ARID1B: variants seen among roughly 807,000 people sequenced by gnomAD.
ARID1B encodes the protein AT-rich interaction domain 1B, also known as AT-rich interactive domain-containing protein 1B.
In ARID1B, 30 loss-of-function variants were observed where a neutral mutation model predicts 212.3. The observed-to-expected ratio is 0.14, with a 90% CI of 0.11 to 0.19. The LOEUF (loss-of-function observed/expected upper bound fraction) is 0.19. Among genes scored for constraint, ARID1B ranks in the 10% least tolerant of loss-of-function variants. The pLI is 1.00. For missense variants in ARID1B, 2,891 were observed against 3,204.0 expected, an observed-to-expected ratio of 0.90 and a Z score of 2.36; for synonymous variants, 1,402 against 1,301.7, an observed-to-expected ratio of 1.08 and a Z score of -1.66.
intron 4 of ARID1B, among the ~76,000 whole-genome samples, chr6:157,035,915 A>C (rs1241288126): frequency 6.6e-6 from 1 of 152,210 alleles, no homozygotes; most frequent in African/African-American, 2.4e-5. Context: ...CAAGGGAAGA[A>C]TACAATTTTG....
At chr6:157,064,141 C>T (rs1783528900) in intron 4 of ARID1B, among the ~76,000 whole-genome samples, 2 of 152,248 alleles carry the variant, frequency 1.3e-5, no homozygotes, top group South Asian at 2.1e-4. Context: ...ATTCCCTACC[C>T]TGTTGTCATC....
intron 4 of ARID1B, among the ~76,000 whole-genome samples, chr6:157,048,251 A>G (rs1782367773): frequency 6.6e-6 from 1 of 152,216 alleles, no homozygotes; most frequent in Non-Finnish European, 1.5e-5. Flanking sequence ...AGAATATATC[A>G]GGGATGATTT....
chr6:156,824,176 C>CT, intron 1 of ARID1B, among the ~76,000 whole-genome samples: 1 of 152,166 alleles, frequency 6.6e-6, no homozygotes, highest in Non-Finnish European at 1.5e-5. Context: ...GGAGGAAAGT[C>CT]TTATCAAGTA....
intron 1 of ARID1B, among the ~76,000 whole-genome samples, chr6:156,822,091 G>A (rs529022377): frequency 1.6e-4 from 25 of 151,748 alleles, no homozygotes; most frequent in African/African-American, 5.8e-4. Flanking sequence ...TGATCTGCCC[G>A]CCTCAGCCTC....
Position 156,778,787 on chromosome 6 carries a change from C to G in ARID1B, c.1107C>G (p.Ser369=), listed in dbSNP as rs1448795315. The G allele has an allele frequency of 6.6e-7, 1 of 1,508,302 alleles. No homozygotes were observed. Among genetic ancestry groups the G allele is most frequent in the Non-Finnish European group, 8.9e-7 (1 of 1,126,098 alleles). 93.4% of individuals were successfully genotyped at this position (1,508,302 alleles called of 1,614,324 possible). Residue 369 remains serine (S), a synonymous_variant, in exon 1 of 20, where the codon TCC becomes TCG. Coordinates refer to ENST00000636930, the MANE Select transcript of ARID1B (RefSeq NM_001374828.1). ...APGSMDPLQN[S]HEGYPNSQCN... is the part of the protein sequence containing the mutation. ...GCAGCATGGACCCCCTGCAGAACTC[C>G]CACGAAGGGTACCCCAACAGCCAGT...
chr6:157,156,912 C>T (rs142543472), intron 8 of ARID1B, among the ~76,000 whole-genome samples: 4,291 of 152,340 alleles, frequency 0.028, 80 homozygotes, highest in Non-Finnish European at 0.043. Flanking sequence ...ACTGGGAGCA[C>T]TCTGGCATCA....
chr6:156,908,574 C>T lies in ARID1B; in HGVS notation c.2136+7049C>T, dbSNP rs184157854. Reference sequence around the variant, plus strand: ...TGTTTATTTTGCTGTTCTTCCCCCCCGCCCCCACTCAAGTGAATGCTTACT... The same window carrying T: ...TGTTTATTTTGCTGTTCTTCCCCCCTGCCCCCACTCAAGTGAATGCTTACT... On this transcript the variant is annotated intron_variant, in intron 3 of 19. Coordinates refer to ENST00000636930, the MANE Select transcript of ARID1B (RefSeq NM_001374828.1). Among the ~76,000 whole-genome samples the T allele has an allele frequency of 5.3e-5, 8 of 152,044 alleles. No individual in the cohort carries two copies. In the East Asian group the frequency reaches 1.2e-3, roughly 22 times the overall value.
At chr6:157,085,037 C>A (rs912599989) in intron 5 of ARID1B, 132 bp downstream of exon 5, 2 of 1,173,238 alleles carry the variant, frequency 1.7e-6, no homozygotes, top group East Asian at 2.6e-5. Context: ...TGAATTCTCA[C>A]CAAGGCATAC....
At chr6:156,776,535 T>TAACC (rs2114941732), upstream of ARID1B, 1 of 152,356 alleles carries the variant, frequency 6.6e-6, no homozygotes, top group African/African-American at 2.4e-5. Context: ...AGATACGAGC[T>TAACC]AACCCATAGC....
chr6:157,189,243 C>T (rs867161783), intron 13 of ARID1B, among the ~76,000 whole-genome samples: 8 of 152,282 alleles, frequency 5.3e-5, no homozygotes, highest in Middle Eastern at 3.4e-3. Context: ...AAATTTTCAT[C>T]CCATTTATAA....
rs1215965074 is a variant in ARID1B at position 157,203,926 on chromosome 6, C to T, written c.5324C>T (p.Thr1775Met). 2 of 1,614,062 alleles carry T rather than the reference C, an allele frequency of 1.2e-6. No individual in the cohort carries two copies. Among genetic ancestry groups the T allele is most frequent in the South Asian group, 1.1e-5 (1 of 91,082 alleles). ...SLKSGLLAES[T>M]WALDTINILL... ...AAATCAGGTCTTTTGGCTGAGAGTACGTGGGCTTTGGACACTATTAATATT... is the reference window on the plus strand; with the variant it reads ...AAATCAGGTCTTTTGGCTGAGAGTATGTGGGCTTTGGACACTATTAATATT... Residue 1775 changes from threonine (T) to methionine (M), a missense_variant, in exon 19 of 20, where the codon ACG becomes ATG. Coordinates refer to ENST00000636930, the MANE Select transcript of ARID1B (RefSeq NM_001374828.1). This position sits in a 1 kb window ranked among gnomAD's most constrained non-coding sequence, Gnocchi z 4.4.
At chr6:156,857,993 T>A (rs909563946) in intron 2 of ARID1B, among the ~76,000 whole-genome samples, 2 of 152,134 alleles carry the variant, frequency 1.3e-5, no homozygotes, top group Non-Finnish European at 2.9e-5. Context: ...ATCAGTGGGA[T>A]GAATGGATAA....
In ARID1B at chr6:157,039,618, CTTCCTTCCTTCCTTCCTTCCTTCCTTCT is replaced by C. The variant is rs1439216166; in HGVS notation, c.2248-45016_2248-44989del. Among the ~76,000 whole-genome samples the C allele has an allele frequency of 2.2e-3, 256 of 114,060 alleles. 1 individual carries two copies. The highest frequency in any genetic ancestry group is 3.0e-3 in the Non-Finnish European group (164 of 54,836). The allele number at this position is 114,060 out of a possible 152,430, so 74.8% of individuals were successfully genotyped here. A position where few individuals can be genotyped will look rare whatever the true frequency, so the allele number is the denominator to read the frequency against. ...TTTTTGAATTCCAAAAGCTACCTAC[CTTCCTTCCTTCCTTCCTTCCTTCCTTCT>C]TTCCTTCCTTCCTTCCTTCCTTCCT... On this transcript the variant is annotated intron_variant, in intron 4 of 19. Coordinates refer to ENST00000636930, the MANE Select transcript of ARID1B (RefSeq NM_001374828.1).
chr6:156,802,964 G>A (rs287885), intron 1 of ARID1B, among the ~76,000 whole-genome samples: 98,508 of 152,056 alleles, frequency 0.65, 33,025 homozygotes, highest in African/African-American at 0.84. Flanking sequence ...TGATCCTTAT[G>A]CTAATGCAGC....
At chr6:157,000,696 C>CTTTTTTTTTTTTTT (rs10536002) in intron 4 of ARID1B, among the ~76,000 whole-genome samples, 17 of 99,226 alleles carry the variant, frequency 1.7e-4, no homozygotes, top group Non-Finnish European at 3.1e-4. Flanking sequence ...TCTAATTATT[C>CTTTTTTTTTTTTTT]TTTTTTTTTT....
intron 4 of ARID1B, among the ~76,000 whole-genome samples, chr6:156,972,550 C>T (rs1343683499): frequency 1.3e-5 from 2 of 152,174 alleles, no homozygotes; most frequent in Non-Finnish European, 2.9e-5. Context: ...ATTTAGTAAG[C>T]ATGTGAACAT....
At chr6:156,835,459 G>A (rs1421246120) in intron 2 of ARID1B, among the ~76,000 whole-genome samples, 1 of 152,078 alleles carries the variant, frequency 6.6e-6, no homozygotes, top group Non-Finnish European at 1.5e-5. Context: ...GATTTTACCT[G>A]AAAGTTTAAT....
chr6:156,905,796 T>G (rs144942804), intron 3 of ARID1B, among the ~76,000 whole-genome samples: 1 of 152,342 alleles, frequency 6.6e-6, no homozygotes, highest in East Asian at 1.9e-4. Context: ...TATTCGTATG[T>G]GCTTATTTTT....
At chr6:157,205,032 T>C (rs1262478089) in intron 19 of ARID1B, 1 of 152,256 alleles carries the variant, frequency 6.6e-6, no homozygotes, top group Non-Finnish European at 1.5e-5. Context: ...AAAAACTGTA[T>C]ACTGCATTTG....
Sources: gnomAD v4.1 joint callset for allele counts (sites outside exome capture counted in the v4.1 genomes callset) on GRCh38, gnomAD v4.1.1 for gene constraint, Gnocchi (gnomAD v3.1) non-coding constraint, MANE v1.5 for transcripts, NCBI Gene and HGNC (gene_info 2026-07-23, HGNC 2026-07-21) for gene names.